Variants in SCAMP2 observed in about 807,000 individuals in gnomAD.
The protein encoded by SCAMP2 is secretory carrier-associated membrane protein 2.
SCAMP2 carries 25 observed loss-of-function variants against 44.1 expected under a neutral mutation model. That is an observed-to-expected ratio of 0.57 (90% confidence interval 0.41 to 0.79). The LOEUF (loss-of-function observed/expected upper bound fraction) is 0.79. Ranked by LOEUF, SCAMP2 falls within the 30% of genes least tolerant of loss-of-function variation. SCAMP2 has a pLI of 0.00. For synonymous variants in SCAMP2, 156 were observed against 166.0 expected, an observed-to-expected ratio of 0.94 and a Z score of 0.46; for missense variants, 355 against 411.0, an observed-to-expected ratio of 0.86 and a Z score of 1.18.
intron 8 of SCAMP2, 80 bp from the exon 9 acceptor site, chr15:74,845,297 G>T: frequency 1.9e-6 from 3 of 1,589,676 alleles, no homozygotes; most frequent in Non-Finnish European, 2.6e-6. Flanking sequence ...TACTCCCAAA[G>T]GGGTCACCAG....
intron 1 of SCAMP2, among the ~76,000 whole-genome samples, chr15:74,863,687 T>C (rs544844971): frequency 6.6e-6 from 1 of 152,276 alleles, no homozygotes; most frequent in South Asian, 2.1e-4. Flanking sequence ...ATGGGACACT[T>C]ACTATCTCCT....
chr15:74,854,707 G>GATTTT, intron 1 of SCAMP2, 58 bp from the exon 2 acceptor site: 1 of 1,491,660 alleles, frequency 6.7e-7, no homozygotes, highest in Non-Finnish European at 9.2e-7. Context: ...CCAGGGGCCG[G>GATTTT]CAGGCGAGCC....
intron 1 of SCAMP2, among the ~76,000 whole-genome samples, chr15:74,866,476 C>G (rs924298281): frequency 3.9e-5 from 6 of 151,996 alleles, no homozygotes; most frequent in East Asian, 1.9e-4. Flanking sequence ...TCCGGGAGAC[C>G]GAGGTGGGTG....
intron 3 of SCAMP2, chr15:74,853,252 A>G: frequency 5.5e-6 from 2 of 361,242 alleles, no homozygotes; most frequent in South Asian, 2.0e-5. Context: ...CTGCACAGAA[A>G]GGCAACTCCG....
intron 1 of SCAMP2, among the ~76,000 whole-genome samples, chr15:74,860,549 G>A (rs906222668): frequency 2.0e-5 from 3 of 152,030 alleles, no homozygotes; most frequent in African/African-American, 7.3e-5. Context: ...TTAGCTGGGC[G>A]TGGTGGCAGG....
At chr15:74,853,384 A>G (rs1248777601) in intron 3 of SCAMP2, 2 of 456,318 alleles carry the variant, frequency 4.4e-6, no homozygotes, top group South Asian at 3.1e-5. Context: ...AAGCTTTCGC[A>G]TGTAGCTGTC....
At chr15:74,851,623 C>T in intron 4 of SCAMP2, 142 bp from the exon 5 acceptor site, 1 of 999,806 alleles carries the variant, frequency 1.0e-6, no homozygotes, top group Non-Finnish European at 1.5e-6. Context: ...CTGCATGGAG[C>T]ATGGAGTGGG....
chr15:74,851,963 A>C lies in SCAMP2; in HGVS notation c.343+106T>G. 3 of 698,920 alleles carry C rather than the reference A, an allele frequency of 4.3e-6. No individual in the cohort carries two copies. In the Admixed American group the frequency reaches 8.8e-5, roughly 20 times the overall value. The allele number at this position is 698,920 out of a possible 1,614,324, so 43.3% of individuals were successfully genotyped here. ...TCCTGTGATGAGAAGAGCCCCACAA[A>C]ACTCTAAGGCAGCTCAGGGTGAATG... On this transcript the variant is annotated intron_variant, in intron 4 of 8. Coordinates refer to ENST00000268099, the MANE Select transcript of SCAMP2 (RefSeq NM_005697.5).
intron 1 of SCAMP2, among the ~76,000 whole-genome samples, chr15:74,865,119 G>A (rs528210918): frequency 9.4e-4 from 130 of 138,044 alleles, no homozygotes; most frequent in Admixed American, 1.5e-3. Flanking sequence ...AGTTGCTCAC[G>A]CCTGTAATCC....
At chr15:74,846,563 A>C (rs2064401323) in intron 7 of SCAMP2, among the ~76,000 whole-genome samples, 1 of 152,168 alleles carries the variant, frequency 6.6e-6, no homozygotes, top group Non-Finnish European at 1.5e-5. Context: ...GCAGATCGAG[A>C]CCATCCTGGC....
At chr15:74,853,176 C>T (rs1323423523) in intron 3 of SCAMP2, 1 of 337,410 alleles carries the variant, frequency 3.0e-6, no homozygotes, top group Non-Finnish European at 6.0e-6. Flanking sequence ...CGCTGGGGGT[C>T]TTGACCTCCT....
intron 1 of SCAMP2, among the ~76,000 whole-genome samples, chr15:74,865,074 C>CAA (rs36079981): frequency 0.011 from 343 of 32,536 alleles, 8 homozygotes; most frequent in East Asian, 0.016. Context: ...GACTCTATCT[C>CAA]AAAAAAAAAA....
intron 1 of SCAMP2, among the ~76,000 whole-genome samples, chr15:74,856,686 T>C (rs1359078173): frequency 6.6e-6 from 1 of 151,780 alleles, no homozygotes; most frequent in African/African-American, 2.4e-5. Context: ...CTCAAACTCC[T>C]GGGCTCAAGC....
chr15:74,852,320 C>G, intron 3 of SCAMP2, 134 bp from the exon 4 acceptor site: 1 of 519,184 alleles, frequency 1.9e-6, no homozygotes. Context: ...AGTCCCCGCC[C>G]CACAGAGTGT....
intron 1 of SCAMP2, among the ~76,000 whole-genome samples, chr15:74,871,217 G>A (rs1363727069): frequency 6.6e-6 from 1 of 152,164 alleles, no homozygotes; most frequent in East Asian, 1.9e-4. Context: ...ACTTTGAGAG[G>A]CTGGGGCCAG....
chr15:74,845,565 C>T lies in SCAMP2; in HGVS notation c.763G>A (p.Asp255Asn). The T allele has an allele frequency of 6.2e-7, 1 of 1,614,096 alleles. No homozygotes were observed. The highest frequency in any genetic ancestry group is 8.5e-7 in the Non-Finnish European group (1 of 1,180,008). The change falls in exon 8 of 9, where the codon GAT becomes AAT. Residue 255 changes from aspartate to asparagine, a missense_variant. Transcript: ENST00000268099. ...SGWIAALSTL[D>N]NHSLAISVIM... ...ACTGATATGGCCAGGGAATGATTAT[C>T]CAGTGTAGACAGGGCTGCAATCCAA...
intron 1 of SCAMP2, among the ~76,000 whole-genome samples, chr15:74,871,141 GA>G (rs763556632): frequency 1.3e-5 from 2 of 152,186 alleles, no homozygotes; most frequent in African/African-American, 4.8e-5. Context: ...GCTCTCAGCT[GA>G]AAGGCAGAAA....
At position 74,845,185 on chromosome 15, in the gene SCAMP2, G is replaced by A; in HGVS notation, c.888C>T (p.Ser296=). ...AAAACTCCTCCTGGGCCTGCTGGAA[G>A]CTGGCCCCTGTCCGTCGGTAGAGGG... ...VHSLYRRTGA[S]FQQAQEEFSQ... is the part of the protein sequence containing the mutation. The change falls in exon 9 of 9, where the codon AGC becomes AGT. Residue 296 remains serine (S), a synonymous_variant. Coordinates refer to ENST00000268099, the MANE Select transcript of SCAMP2 (RefSeq NM_005697.5). The A allele has an allele frequency of 6.2e-7, 1 of 1,613,680 alleles. No homozygotes were observed. The highest frequency in any genetic ancestry group is 8.5e-7 in the Non-Finnish European group (1 of 1,180,012).
intron 6 of SCAMP2, among the ~76,000 whole-genome samples, chr15:74,850,146 C>T (rs1331379524): frequency 6.6e-6 from 1 of 152,168 alleles, no homozygotes; most frequent in Non-Finnish European, 1.5e-5. Flanking sequence ...CTGGAGAGCA[C>T]TCATCTGATA....
Sources: allele counts gnomAD v4.1 joint callset (sites outside exome capture counted in the v4.1 genomes callset), GRCh38; gene constraint gnomAD v4.1.1; transcripts MANE v1.5; gene names NCBI Gene and HGNC (gene_info 2026-07-23, HGNC 2026-07-21).